The following PTPRZ1 variants were observed in gnomAD, a reference collection of about 807,000 sequenced individuals.
PTPRZ1 encodes receptor-type tyrosine-protein phosphatase zeta.
In PTPRZ1, 82 loss-of-function variants were observed where a neutral mutation model predicts 214.1. The observed-to-expected ratio is 0.38, with a 90% CI of 0.32 to 0.46. PTPRZ1 has a LOEUF of 0.46. Ranked by LOEUF, PTPRZ1 falls within the 20% of genes least tolerant of loss-of-function variation. The pLI, the probability that PTPRZ1 is intolerant of heterozygous loss-of-function variation, is 1.00. For synonymous variants in PTPRZ1, 945 were observed against 987.9 expected (o/e 0.96, Z 0.81); for missense variants, 2,603 against 2,748.7 (o/e 0.95, Z 1.19).
At chr7:121,942,394 A>G (rs2116425561) in intron 2 of PTPRZ1, among the ~76,000 whole-genome samples, 1 of 152,346 alleles carries the variant, frequency 6.6e-6, no homozygotes, top group African/African-American at 2.4e-5. Flanking sequence ...TTAGCAGAAT[A>G]ATTACATCTT....
At chr7:121,952,414 T>C (rs1796580676) in intron 2 of PTPRZ1, among the ~76,000 whole-genome samples, 2 of 152,142 alleles carry the variant, frequency 1.3e-5, no homozygotes, top group African/African-American at 2.4e-5. Context: ...AGAGACTCTA[T>C]ATCTACAAAA....
intron 12 of PTPRZ1, among the ~76,000 whole-genome samples, chr7:122,017,368 A>G (rs1798872616): frequency 6.6e-6 from 1 of 152,088 alleles, no homozygotes; most frequent in Non-Finnish European, 1.5e-5. Context: ...TCACAAGAAT[A>G]TTAGCTACAA....
chr7:122,013,253 A>C lies in PTPRZ1; in HGVS notation c.4207A>C (p.Ser1403Arg). 6.2e-7 allele frequency: 1 copy of C among 1,614,122 alleles called. No individual in the cohort carries two copies. Among genetic ancestry groups the C allele is most frequent in the Non-Finnish European group, 8.5e-7 (1 of 1,180,020 alleles). The change falls in exon 12 of 30, where the codon AGT (serine) becomes CGT (arginine). Residue 1403 changes from serine (S) to arginine (R), a missense_variant. By Grantham distance (110) the Ser-to-Arg change is moderately radical (BLOSUM62 -1). Around this residue, in one of 6 missense-constraint regions of PTPRZ1, gnomAD observed 1,913 missense variants for 1,914.3 expected, o/e 1.00. Transcript: ENST00000393386. ...TCCTTCTAAGGCAACTTCTGAGCTG[A>C]GTCATAGTGCCAAATCTGATGCCGG... ...LFPSKATSELSHSAKSDAGLV... is the reference protein window; with the variant it reads ...LFPSKATSELRHSAKSDAGLV...
Position 122,061,234 on chromosome 7 carries a change from G to A in PTPRZ1, c.*14G>A, listed in dbSNP as rs368887890. On this transcript the variant is annotated 3_prime_UTR_variant, in exon 30 of 30. Coordinates refer to ENST00000393386, the MANE Select transcript of PTPRZ1 (RefSeq NM_002851.3). ...TCTTTAGTTTAACACAGAAAGGGGT[G>A]GGGGAACTCACATCTGAGCATTGTT... 5 of 1,567,174 alleles carry A rather than the reference G, an allele frequency of 3.2e-6. No individual in the cohort carries two copies. Among genetic ancestry groups the A allele is most frequent in the African/African-American group, 2.7e-5 (2 of 73,480 alleles).
At chr7:121,885,430 C>T (rs2191783) in intron 1 of PTPRZ1, among the ~76,000 whole-genome samples, 24,866 of 152,060 alleles carry the variant, frequency 0.16, 2,264 homozygotes, top group East Asian at 0.29. Context: ...AAGCATAAAG[C>T]GTGAAATCAC....
chr7:121,964,906 G>T (rs1380200917), intron 2 of PTPRZ1, among the ~76,000 whole-genome samples: 1 of 152,190 alleles, frequency 6.6e-6, no homozygotes, highest in East Asian at 1.9e-4. Flanking sequence ...TGTGGCTGGA[G>T]CAGAGTGATC....
chr7:121,908,795 G>A, intron 1 of PTPRZ1: 1 of 490,264 alleles, frequency 2.0e-6, no homozygotes, highest in South Asian at 1.6e-5. Flanking sequence ...CATCTTTCTG[G>A]GATAAATGTG....
chr7:121,890,808 TA>T (rs1794574055), intron 1 of PTPRZ1, among the ~76,000 whole-genome samples: 1 of 152,090 alleles, frequency 6.6e-6, no homozygotes, highest in African/African-American at 2.4e-5. Context: ...TAACTGGGAC[TA>T]CAGGCATGTG....
rs116159810 is a variant in PTPRZ1 at position 121,884,966 on chromosome 7, C to T, written c.58+11409C>T. Among the ~76,000 whole-genome samples, 594 of 152,226 alleles carry T rather than the reference C, an allele frequency of 3.9e-3. 8 individuals carry two copies. Among genetic ancestry groups the T allele is most frequent in the South Asian group, 0.025 (120 of 4,822 alleles). On this transcript the variant is annotated intron_variant, in intron 1 of 29. Transcript: ENST00000393386. ...TACGAGCCTCCTTTGTGTCCCTCCC[C>T]GTCATTTTTACTACATTCAAGAAAC... is the stretch of plus-strand genomic sequence containing the variant.
chr7:122,007,462 T>C (rs1351051447), intron 11 of PTPRZ1, among the ~76,000 whole-genome samples: 2 of 152,134 alleles, frequency 1.3e-5, no homozygotes, highest in African/African-American at 4.8e-5. Context: ...ATTAATAATA[T>C]ATTGTCAAAT....
chr7:122,037,895 CT>C (rs889834088), intron 18 of PTPRZ1, among the ~76,000 whole-genome samples: 2 of 152,098 alleles, frequency 1.3e-5, no homozygotes, highest in Non-Finnish European at 2.9e-5. Flanking sequence ...ATGAAGGACA[CT>C]GCTATGAAGG....
intron 1 of PTPRZ1, chr7:121,908,960 A>G (rs748312941): frequency 1.9e-6 from 1 of 517,306 alleles, no homozygotes; most frequent in Non-Finnish European, 3.9e-6. Context: ...TTTAGCAGAC[A>G]TGTTAGACTT....
intron 8 of PTPRZ1, among the ~76,000 whole-genome samples, chr7:121,988,615 A>G (rs1797842333): frequency 2.6e-5 from 4 of 152,142 alleles, no homozygotes; most frequent in African/African-American, 9.7e-5. Context: ...TGTCTAATTG[A>G]TCTCAGTGTT....
At chr7:121,883,939 A>G (rs950451610) in intron 1 of PTPRZ1, among the ~76,000 whole-genome samples, 4 of 152,138 alleles carry the variant, frequency 2.6e-5, no homozygotes, top group Non-Finnish European at 5.9e-5. Context: ...TTTTTCTTTA[A>G]TTCATGAAAA....
chr7:121,930,505 A>T (rs891855790), intron 2 of PTPRZ1, among the ~76,000 whole-genome samples: 3 of 152,162 alleles, frequency 2.0e-5, no homozygotes, highest in African/African-American at 7.2e-5. Flanking sequence ...GGGCCTACCT[A>T]TTTATAATAT....
At chr7:121,970,586 TGCATAAATGTCTTCTTTTGA>T (rs1429431555) in intron 3 of PTPRZ1, among the ~76,000 whole-genome samples, 3 of 152,224 alleles carry the variant, frequency 2.0e-5, no homozygotes, top group African/African-American at 7.2e-5. Context: ...GTCTGTTGGC[TGCATAAATGTCTTCTTTTGA>T]GAAGTGTCTG....
intron 1 of PTPRZ1, among the ~76,000 whole-genome samples, chr7:121,914,504 A>G (rs985864631): frequency 2.0e-5 from 3 of 152,158 alleles, no homozygotes; most frequent in African/African-American, 7.2e-5. Context: ...GTCCATGGCA[A>G]TCCGCTAGCT....
At chr7:121,913,723 G>A (rs1404548213) in intron 1 of PTPRZ1, among the ~76,000 whole-genome samples, 3 of 152,078 alleles carry the variant, frequency 2.0e-5, no homozygotes, top group Non-Finnish European at 4.4e-5. Context: ...AGCAGGTATG[G>A]GGGAAAGTTT....
chr7:121,968,527 A>G (rs974521039), intron 3 of PTPRZ1, among the ~76,000 whole-genome samples: 3 of 152,142 alleles, frequency 2.0e-5, no homozygotes, highest in Admixed American at 1.3e-4. Context: ...GCAATTGGCT[A>G]TAATTGAAAT....
Sources: allele counts gnomAD v4.1 joint callset (sites outside exome capture counted in the v4.1 genomes callset), GRCh38; gene constraint gnomAD v4.1.1; regional missense constraint gnomAD v4.1.1; transcripts MANE v1.5; gene names NCBI Gene and HGNC (gene_info 2026-07-23, HGNC 2026-07-21).